Variants in TBC1D9B observed in about 807,000 individuals in gnomAD.
The protein encoded by TBC1D9B is TBC1 domain family member 9B, also known as TBC1 domain family, member 9B (with GRAM domain).
In TBC1D9B, 87 loss-of-function variants were observed where a neutral mutation model predicts 121.1. The observed-to-expected ratio is 0.72, with a 90% confidence interval of 0.60 to 0.86. The LOEUF is 0.86. Among genes scored for constraint, TBC1D9B ranks in the 40% least tolerant of loss-of-function variants. The pLI is 0.00. For missense variants in TBC1D9B, 1,540 were observed against 1,628.6 expected (o/e 0.95, Z 0.94); for synonymous variants, 668 against 670.1 (o/e 1.00, Z 0.05).
chr5:179,904,628 A>T lies in TBC1D9B; in HGVS notation c.229+74T>A. 7.6e-7 allele frequency: 1 copy of T among 1,308,396 alleles called. No homozygotes were observed. Among genetic ancestry groups the T allele is most frequent in the Non-Finnish European group, 1.1e-6 (1 of 931,712 alleles). The allele number at this position is 1,308,396 out of a possible 1,614,324, so 81.0% of individuals were successfully genotyped here. On this transcript the variant is annotated intron_variant, in intron 2 of 20. Transcript: ENST00000355235. The surrounding 1 kb of genome is among the most constrained non-coding windows in gnomAD (Gnocchi z 4.2). ...AATACCACCCAGACACGTGGGCTAC[A>T]CACCCCTTCCTCTCGGCAACGGCCC...
Position 179,865,688 on chromosome 5 carries a change from G to T in TBC1D9B, c.2914+150C>A. The T allele has an allele frequency of 2.3e-6, 2 of 881,944 alleles. No individual in the cohort carries two copies. The highest frequency in any genetic ancestry group is 3.5e-6 in the Non-Finnish European group (2 of 570,004). The allele number at this position is 881,944 out of a possible 1,614,324, so 54.6% of individuals were successfully genotyped here. A position where few individuals can be genotyped will look rare whatever the true frequency, so the allele number is the denominator to read the frequency against. ...GCTGGTGGAGAGCGTGGAGCCTCCT[G>T]TGCATCCCGAGGCCTGCTCCCTGAT... On this transcript the variant is annotated intron_variant, in intron 19 of 20. Coordinates refer to ENST00000355235, the MANE Select transcript of TBC1D9B (RefSeq NM_015043.4). This position sits in a 1 kb window ranked among gnomAD's most constrained non-coding sequence, Gnocchi z 5.1.
chr5:179,876,402 C>T (rs139628210), intron 10 of TBC1D9B, among the ~76,000 whole-genome samples: 46 of 152,256 alleles, frequency 3.0e-4, no homozygotes, highest in Admixed American at 5.2e-4. Flanking sequence ...CACACTTCTG[C>T]GGAGTGGTGT....
chr5:179,864,216 GC>G (rs1759939405), intron 20 of TBC1D9B, 88 bp from the exon 21 acceptor site: 1 of 1,328,756 alleles, frequency 7.5e-7, no homozygotes, highest in South Asian at 1.5e-5. Flanking sequence ...ACAAGCACCA[GC>G]CTAAGGATGT....
In TBC1D9B at chr5:179,890,377, G is replaced by C. The variant is rs977606245; in HGVS notation, c.1044+1002C>G. Among the ~76,000 whole-genome samples the C allele has an allele frequency of 3.9e-5, 6 of 152,160 alleles. No homozygotes were observed. Among genetic ancestry groups the C allele is most frequent in the African/African-American group, 1.4e-4 (6 of 41,418 alleles). ...GCCCGGCAGGAGAAATCCAAACGGA[G>C]CCTCAGGTGTCAGGAAGACCCCTAG... On this transcript the variant is annotated intron_variant, in intron 6 of 20. Transcript: ENST00000355235. This position sits in a 1 kb window ranked among gnomAD's most constrained non-coding sequence, Gnocchi z 5.0.
intron 15 of TBC1D9B, among the ~76,000 whole-genome samples, 189 bp downstream of exon 15, chr5:179,871,273 A>G (rs1561634690): frequency 6.6e-6 from 1 of 152,222 alleles, no homozygotes; most frequent in Non-Finnish European, 1.5e-5. Context: ...CTAAACTCCA[A>G]GAGGGATTCG....
chr5:179,883,910 G>T (rs1760606525), intron 7 of TBC1D9B, among the ~76,000 whole-genome samples: 1 of 152,164 alleles, frequency 6.6e-6, no homozygotes, highest in South Asian at 2.1e-4. Flanking sequence ...CCCTGCTGTG[G>T]TCGGTCTGTG....
intron 20 of TBC1D9B, among the ~76,000 whole-genome samples, chr5:179,864,948 G>C (rs1057424539): frequency 6.6e-6 from 1 of 152,252 alleles, no homozygotes; most frequent in Non-Finnish European, 1.5e-5. Context: ...AGAGCCCTGG[G>C]CAGGGCTGGG....
rs201538926 is a variant in TBC1D9B at position 179,864,102 on chromosome 5, C to G, written c.3048G>C (p.Thr1016=). ...GGTCTTCACTGAACATGTTGTAAAGCGTCTTGCACAGCTCAATGAACTGCT... is the reference window on the plus strand; with the variant it reads ...GGTCTTCACTGAACATGTTGTAAAGGGTCTTGCACAGCTCAATGAACTGCT... ...NQEQFIELCK[T]LYNMFSEDPM... is the part of the protein sequence containing the mutation. The change falls in exon 21 of 21, where the codon ACG becomes ACC. Residue 1016 remains threonine, a synonymous_variant. Coordinates refer to ENST00000355235, the MANE Select transcript of TBC1D9B (RefSeq NM_015043.4). The G allele has an allele frequency of 1.9e-6, 3 of 1,609,422 alleles. No homozygotes were observed. The highest frequency in any genetic ancestry group is 2.5e-6 in the Non-Finnish European group (3 of 1,177,160).
At chr5:179,879,518 GC>G in intron 8 of TBC1D9B, 109 bp downstream of exon 8, 3 of 1,542,752 alleles carry the variant, frequency 1.9e-6, no homozygotes, top group Non-Finnish European at 2.7e-6. Context: ...GCACTGCCCA[GC>G]GGTCAGCCCA....
chr5:179,872,862 G>GCCCCC, intron 14 of TBC1D9B, 30 bp downstream of exon 14: 11 of 1,153,048 alleles, frequency 9.5e-6, no homozygotes, highest in South Asian at 7.7e-5. Flanking sequence ...CCCCAGCCCA[G>GCCCCC]CCCCTGCCCA....
Position 179,894,592 on chromosome 5 carries a change from T to A in TBC1D9B, c.371A>T (p.Lys124Met). Reference sequence around the variant, plus strand: ...CTCGTCTCCCTGGGGCTGCAGGTTCTTGTTCTCTTCTGCGATGATTCCCTG... The same window carrying A: ...CTCGTCTCCCTGGGGCTGCAGGTTCATGTTCTCTTCTGCGATGATTCCCTG... ...KIHGIIAEENKNLQPQGDEDP... is the reference protein window; with the variant it reads ...KIHGIIAEENMNLQPQGDEDP... Residue 124 changes from lysine (K) to methionine (M), a missense_variant, in exon 4 of 21, where the codon AAG becomes ATG. Transcript: ENST00000355235. 6.2e-7 allele frequency: 1 copy of A among 1,614,226 alleles called. No individual in the cohort carries two copies. Among genetic ancestry groups the A allele is most frequent in the Non-Finnish European group, 8.5e-7 (1 of 1,180,030 alleles).
At position 179,862,895 on chromosome 5, in the gene TBC1D9B, G is replaced by A. The variant is rs1298; in HGVS notation, c.*553C>T. 0.13 allele frequency: 38,289 copies of A among 301,064 alleles called. 2,776 individuals are homozygous for A. The highest frequency in any genetic ancestry group is 0.23 in the Middle Eastern group (179 of 762). The allele number at this position is 301,064 out of a possible 1,614,324, so 18.6% of individuals were successfully genotyped here. A position where few individuals can be genotyped will look rare whatever the true frequency, so the allele number is the denominator to read the frequency against. On this transcript the variant is annotated 3_prime_UTR_variant, in exon 21 of 21. Transcript: ENST00000355235. ...AGAGCACGTGTACAGCCACGCCTGT[G>A]CGCAGCGCCCACTCTGTGCAATAAA...
chr5:179,865,875 C>A lies in TBC1D9B; in HGVS notation c.2877G>T (p.Gln959His). The A allele has an allele frequency of 1.2e-6, 2 of 1,613,412 alleles. No individual in the cohort carries two copies. The highest frequency in any genetic ancestry group is 1.7e-6 in the Non-Finnish European group (2 of 1,179,624). The change falls in exon 19 of 21, where the codon CAG (glutamine) becomes CAT (histidine). Residue 959 changes from glutamine to histidine, a missense_variant. Gln to His is a conservative substitution (Grantham distance 24). Transcript: ENST00000355235. This position sits in a 1 kb window ranked among gnomAD's most constrained non-coding sequence, Gnocchi z 5.1. The part of the protein sequence containing the change: ...EDSSSEEALP[Q>H]EEQEGSGSEE... ...CACTTCCACTTCCTTCTTGCTCTTC[C>A]TGTGGTAGTGCTTCTGGACAAACGC...
At position 179,872,873 on chromosome 5, in the gene TBC1D9B, G is replaced by A; in HGVS notation, c.2415+19C>T. 8.5e-7 allele frequency: 1 copy of A among 1,174,016 alleles called. No homozygotes were observed. The highest frequency in any genetic ancestry group is 1.2e-6 in the Non-Finnish European group (1 of 833,526). 72.7% of individuals were successfully genotyped at this position (1,174,016 alleles called of 1,614,324 possible). A position where few individuals can be genotyped will look rare whatever the true frequency, so the allele number is the denominator to read the frequency against. On this transcript the variant is annotated intron_variant, in intron 14 of 20. Coordinates refer to ENST00000355235, the MANE Select transcript of TBC1D9B (RefSeq NM_015043.4). ...GCCCCCCCAGCCCAGCCCCTGCCCA[G>A]CCCTGCTGGCACCCATACCACACTC...
chr5:179,894,534 C>A lies in TBC1D9B; in HGVS notation c.429G>T (p.Lys143Asn), dbSNP rs750619099. 2 of 1,614,158 alleles carry A rather than the reference C, an allele frequency of 1.2e-6. No individual in the cohort carries two copies. Among genetic ancestry groups the A allele is most frequent in the Admixed American group, 3.3e-5 (2 of 60,012 alleles). ...DPGKFKEAEL[K>N]MRKQFGMPEG... Reference sequence around the variant, plus strand: ...CAGGCATCCCAAACTGCTTCCGCATCTTCAGCTCAGCCTCCTTGAACTTCC... The same window carrying A: ...CAGGCATCCCAAACTGCTTCCGCATATTCAGCTCAGCCTCCTTGAACTTCC... Residue 143 changes from lysine (K) to asparagine (N), a missense_variant, in exon 4 of 21, where the codon AAG becomes AAT. Physicochemically the swap from Lys to Asn is moderately conservative, Grantham distance 94. Transcript: ENST00000355235.
intron 8 of TBC1D9B, 59 bp from the exon 9 acceptor site, chr5:179,879,256 T>C: frequency 6.4e-7 from 1 of 1,561,154 alleles, no homozygotes; most frequent in Non-Finnish European, 8.6e-7. Context: ...TGCCGAGGCC[T>C]AGGCCACCGC....
chr5:179,887,584 A>G (rs1322581626), intron 7 of TBC1D9B: 1 of 164,700 alleles, frequency 6.1e-6, no homozygotes, highest in African/African-American at 2.4e-5. Flanking sequence ...ACCAAGAGTG[A>G]CATGTGTGAC....
Position 179,888,088 on chromosome 5 carries a change from C to T in TBC1D9B, c.1254+15G>A. The T allele has an allele frequency of 6.2e-7, 1 of 1,613,044 alleles. No individual in the cohort carries two copies. The highest frequency in any genetic ancestry group is 8.5e-7 in the Non-Finnish European group (1 of 1,179,970). On this transcript the variant is annotated intron_variant, in intron 7 of 20. Transcript: ENST00000355235. Reference sequence around the variant, plus strand: ...GGGCCCAACTCGACCCTGCTGCTCCCAAGGGGCTTCTCACCTCTGTGCTAG... The same window carrying T: ...GGGCCCAACTCGACCCTGCTGCTCCTAAGGGGCTTCTCACCTCTGTGCTAG...
Position 179,878,459 on chromosome 5 carries a change from C to G in TBC1D9B, c.1632G>C (p.Gly544=), listed in dbSNP as rs945865862. The change falls in exon 10 of 21, where the codon GGG becomes GGC. Residue 544 remains glycine, a synonymous_variant. Coordinates refer to ENST00000355235, the MANE Select transcript of TBC1D9B (RefSeq NM_015043.4). ...YYAELVEKST[G]KYSLATEEIE... ...TCTCCTCTGTGGCCAGGCTGTACTT[C>G]CCGGTGGACTTCTCCACCAGCTCAG... 3.8e-5 allele frequency: 61 copies of G among 1,612,424 alleles called. No individual in the cohort carries two copies. The highest frequency in any genetic ancestry group is 5.0e-5 in the Non-Finnish European group (59 of 1,179,422).
Sources: allele counts gnomAD v4.1 joint callset (sites outside exome capture counted in the v4.1 genomes callset), GRCh38; gene constraint gnomAD v4.1.1; non-coding constraint Gnocchi (gnomAD v3.1); transcripts MANE v1.5; gene names NCBI Gene and HGNC (gene_info 2026-07-23, HGNC 2026-07-21).